Variants in SPP2 observed in about 807,000 individuals in gnomAD.
The protein encoded by SPP2 is secreted phosphoprotein 2.
In SPP2, 34 loss-of-function variants were observed where a neutral mutation model predicts 28.8. The ratio of observed to expected loss-of-function variants is 1.18; its 90% confidence interval spans 0.90 to 1.57. The LOEUF is 1.57. Among genes scored for constraint, SPP2 ranks in the 40% most tolerant of loss-of-function variants. The probability of loss-of-function intolerance (pLI) is 0.00; values close to 1 mark genes in which losing one functional copy is unlikely to be tolerated. For synonymous variants in SPP2, 96 were observed against 89.4 expected, an observed-to-expected ratio of 1.07 and a Z score of -0.42; for missense variants, 269 against 263.9, an observed-to-expected ratio of 1.02 and a Z score of -0.13.
chr2:234,065,297 G>A (rs1468168905), intron 4 of SPP2, among the ~76,000 whole-genome samples: 1 of 151,764 alleles, frequency 6.6e-6, no homozygotes. Flanking sequence ...TTTTGTTGTT[G>A]TTGACAGAGT....
At chr2:234,068,453 A>G (rs975406120) in intron 6 of SPP2, among the ~76,000 whole-genome samples, 4 of 152,232 alleles carry the variant, frequency 2.6e-5, no homozygotes, top group Admixed American at 1.3e-4. Context: ...GATGTTCAGC[A>G]TTCCCCATTA....
In SPP2 at chr2:234,050,796, A is replaced by C. The variant is rs907542594; in HGVS notation, c.10A>C (p.Arg4=). 5 of 1,613,908 alleles carry C rather than the reference A, an allele frequency of 3.1e-6. No individual in the cohort carries two copies. The highest frequency in any genetic ancestry group is 2.2e-5 in the South Asian group (2 of 91,062). MIS[R]MEKMTMMMKI... Reference sequence around the variant, plus strand: ...TCTCTCGATTACAATCATGATTTCCAGAATGGAGAAGATGACGATGATGAT... The same window carrying C: ...TCTCTCGATTACAATCATGATTTCCCGAATGGAGAAGATGACGATGATGAT... The change falls in exon 1 of 8, where the codon AGA becomes CGA. Residue 4 remains arginine (R), a synonymous_variant. Coordinates refer to ENST00000168148, the MANE Select transcript of SPP2 (RefSeq NM_006944.3).
At chr2:234,069,436 C>T (rs1193838018) in intron 6 of SPP2, among the ~76,000 whole-genome samples, 1 of 152,132 alleles carries the variant, frequency 6.6e-6, no homozygotes, top group African/African-American at 2.4e-5. Context: ...TATTATATGG[C>T]TATAAATTAA....
At chr2:234,069,175 G>A (rs1693884639) in intron 6 of SPP2, among the ~76,000 whole-genome samples, 1 of 145,618 alleles carries the variant, frequency 6.9e-6, no homozygotes, top group African/African-American at 2.6e-5. Context: ...TCCCCCCAGA[G>A]ATGATTATTT....
intron 2 of SPP2, among the ~76,000 whole-genome samples, chr2:234,056,595 A>G (rs1014111526): frequency 6.6e-6 from 1 of 152,202 alleles, no homozygotes; most frequent in Non-Finnish European, 1.5e-5. Flanking sequence ...TTTTCAGCTA[A>G]GCTTTTGTGT....
At chr2:234,067,491 C>G (rs1693845570) in intron 6 of SPP2, among the ~76,000 whole-genome samples, 1 of 151,986 alleles carries the variant, frequency 6.6e-6, no homozygotes. Flanking sequence ...TAAAAGTTAC[C>G]AAGAGGCCGG....
In SPP2 at chr2:234,050,869, C is replaced by A; in HGVS notation, c.83C>A (p.Ser28Ter). The A allele has an allele frequency of 6.2e-7, 1 of 1,614,032 alleles. No homozygotes were observed. ...CTTGGAATGAACTACTGGTCTTGCTCAGGTAAGGTATTCACCAACCTGGCC... is the reference window on the plus strand; with the variant it reads ...CTTGGAATGAACTACTGGTCTTGCTAAGGTAAGGTATTCACCAACCTGGCC... ...FALGMNYWSC[S>*]GFPVYDYDPS... Residue 28 changes from serine to a stop codon, truncating the protein, a stop_gained and splice_region_variant, in exon 1 of 8, where the codon TCA (serine) becomes TAA (stop). Coordinates refer to ENST00000168148, the MANE Select transcript of SPP2 (RefSeq NM_006944.3). LOFTEE classifies it high-confidence loss of function.
chr2:234,076,167 C>T (rs6719734), intron 7 of SPP2, among the ~76,000 whole-genome samples: 12,300 of 152,104 alleles, frequency 0.081, 952 homozygotes, highest in African/African-American at 0.21. Flanking sequence ...TGAGCCTCAA[C>T]AGTCCTCGCC....
chr2:234,062,177 A>C (rs1349693987), intron 4 of SPP2, among the ~76,000 whole-genome samples: 1 of 142,958 alleles, frequency 7.0e-6, no homozygotes, highest in African/African-American at 2.6e-5. Context: ...GTGCCCACTA[A>C]GCAGGAATTA....
chr2:234,065,065 G>A (rs1693790776), intron 4 of SPP2, among the ~76,000 whole-genome samples: 1 of 152,104 alleles, frequency 6.6e-6, no homozygotes, highest in African/African-American at 2.4e-5. Context: ...CAGAATTCCT[G>A]GATCATATAG....
intron 2 of SPP2, among the ~76,000 whole-genome samples, chr2:234,056,574 A>T (rs1693611518): frequency 6.6e-6 from 1 of 152,174 alleles, no homozygotes. Context: ...CAAAAAACTC[A>T]CATTTTCATC....
intron 5 of SPP2, among the ~76,000 whole-genome samples, 168 bp from the exon 6 acceptor site, chr2:234,067,056 A>G (rs796827254): frequency 8.5e-5 from 13 of 152,278 alleles, no homozygotes; most frequent in African/African-American, 2.9e-4. Context: ...TTAGTGTTCT[A>G]TGATTTAGGA....
chr2:234,059,770 G>A (rs1485326639), intron 3 of SPP2, among the ~76,000 whole-genome samples: 1 of 152,154 alleles, frequency 6.6e-6, no homozygotes, highest in Non-Finnish European at 1.5e-5. Context: ...TGGCAGATTG[G>A]CATCCAAGGT....
chr2:234,053,883 G>A lies in SPP2; in HGVS notation c.210+2788G>A, dbSNP rs1045249635. ...GACAAGTAGGGCTGTGGTTTCATAG[G>A]GAGCAGTTTCTACCAGGGAAAGAGA... On this transcript the variant is annotated intron_variant, in intron 2 of 7. Transcript: ENST00000168148. Among the ~76,000 whole-genome samples, 19 of 152,152 alleles carry A rather than the reference G, an allele frequency of 1.2e-4. 1 individual carries two copies. The highest frequency in any genetic ancestry group is 3.6e-4 in the African/African-American group (15 of 41,514).
At chr2:234,051,759 G>A (rs1320989939) in intron 2 of SPP2, among the ~76,000 whole-genome samples, 1 of 152,150 alleles carries the variant, frequency 6.6e-6, no homozygotes, top group Non-Finnish European at 1.5e-5. Flanking sequence ...AGCAAATTTA[G>A]GTTAAGGTGG....
chr2:234,070,553 C>G lies in SPP2; in HGVS notation c.*10+530C>G, dbSNP rs144109381. ...CTTGGCTCACTGCAACCTCTGCCTC[C>G]TGGGTTCAAGCAATTCTCCCACCTC... On this transcript the variant is annotated intron_variant, in intron 7 of 7. Transcript: ENST00000168148. Among the ~76,000 whole-genome samples, 538 of 152,292 alleles carry G rather than the reference C, an allele frequency of 3.5e-3. 5 individuals are homozygous for G. Among genetic ancestry groups the G allele is most frequent in the African/African-American group, 0.013 (520 of 41,556 alleles).
intron 7 of SPP2, among the ~76,000 whole-genome samples, chr2:234,072,468 G>A (rs1032731558): frequency 7.2e-5 from 11 of 152,008 alleles, no homozygotes; most frequent in Non-Finnish European, 1.3e-4. Context: ...GCTGTATTTT[G>A]TTTATTAGTA....
At chr2:234,067,707 G>T (rs570506467) in intron 6 of SPP2, among the ~76,000 whole-genome samples, 1 of 142,036 alleles carries the variant, frequency 7.0e-6, no homozygotes, top group East Asian at 2.2e-4. Context: ...AACCCGGGAG[G>T]CGGAGCTTGC....
intron 2 of SPP2, among the ~76,000 whole-genome samples, chr2:234,052,093 C>A (rs1188223762): frequency 6.6e-6 from 1 of 152,072 alleles, no homozygotes; most frequent in Admixed American, 6.5e-5. Flanking sequence ...TCAAAAGGAC[C>A]CAGTTTTATT....
Sources: allele counts gnomAD v4.1 joint callset (sites outside exome capture counted in the v4.1 genomes callset), GRCh38; gene constraint gnomAD v4.1.1; transcripts MANE v1.5; gene names NCBI Gene and HGNC (gene_info 2026-07-23, HGNC 2026-07-21).